The following FAM107B variants were observed in gnomAD, a reference collection of about 807,000 sequenced individuals.
FAM107B encodes the protein protein FAM107B.
A neutral mutation model predicts 31.5 loss-of-function variants in FAM107B; 21 were observed. The observed-to-expected ratio is 0.67, with a 90% CI of 0.47 to 0.96. FAM107B has a LOEUF of 0.96. FAM107B is among the 40% of genes least tolerant of loss of function. The probability of loss-of-function intolerance (pLI) is 0.00; values close to 1 mark genes in which losing one functional copy is unlikely to be tolerated. For synonymous variants in FAM107B, 157 were observed against 141.5 expected, an observed-to-expected ratio of 1.11 and a Z score of -0.78; for missense variants, 452 against 377.1, an observed-to-expected ratio of 1.20 and a Z score of -1.64.
At chr10:14,772,926 C>T (rs1432092296) in intron 1 of FAM107B, among the ~76,000 whole-genome samples, 1 of 152,198 alleles carries the variant, frequency 6.6e-6, no homozygotes, top group Non-Finnish European at 1.5e-5. Context: ...CATTGCTCAA[C>T]AGAAAGTCTT....
chr10:14,703,827 G>A (rs1324233152), intron 1 of FAM107B, among the ~76,000 whole-genome samples: 5 of 152,090 alleles, frequency 3.3e-5, no homozygotes, highest in African/African-American at 4.8e-5. Context: ...TTTTTTTAAG[G>A]TTGCCATTTA....
At chr10:14,601,046 C>A (rs967846507) in intron 2 of FAM107B, among the ~76,000 whole-genome samples, 2 of 152,208 alleles carry the variant, frequency 1.3e-5, no homozygotes, top group African/African-American at 4.8e-5. Context: ...GGATTACAGG[C>A]ACAAGCCACT....
chr10:14,678,494 G>A (rs888469860), intron 1 of FAM107B, among the ~76,000 whole-genome samples: 1 of 152,166 alleles, frequency 6.6e-6, no homozygotes, highest in African/African-American at 2.4e-5. Flanking sequence ...GGGGGACACT[G>A]CAGTGAACAA....
chr10:14,741,597 T>C (rs943976747), intron 1 of FAM107B, among the ~76,000 whole-genome samples: 2 of 152,118 alleles, frequency 1.3e-5, no homozygotes. Context: ...TTAAATACCT[T>C]TCTTGAAAAC....
intron 1 of FAM107B, among the ~76,000 whole-genome samples, chr10:14,736,030 TGGGAAAA>T (rs966454885): frequency 6.6e-5 from 10 of 151,982 alleles, no homozygotes; most frequent in Non-Finnish European, 8.8e-5. Flanking sequence ...GTATGGTGCC[TGGGAAAA>T]GGGAAAAGGG....
Position 14,572,213 on chromosome 10 carries a change from G to T in FAM107B, c.470-41698C>A, listed in dbSNP as rs1851281827. ...ATGAAAAACAAACCGTACCAACTCT[G>T]GTACCAGTTACTGACCTTCCAGACC... On this transcript the variant is annotated intron_variant, in intron 2 of 4. Transcript: ENST00000181796. 6 of 985,286 alleles carry T rather than the reference G, an allele frequency of 6.1e-6. No homozygotes were observed. In the South Asian group the frequency reaches 2.8e-4, roughly 46 times the overall value. 61.0% of individuals were successfully genotyped at this position (985,286 alleles called of 1,614,324 possible). A position where few individuals can be genotyped will look rare whatever the true frequency, so the allele number is the denominator to read the frequency against.
intron 2 of FAM107B, among the ~76,000 whole-genome samples, chr10:14,583,184 A>T (rs537923676): frequency 6.6e-6 from 1 of 152,182 alleles, no homozygotes; most frequent in Non-Finnish European, 1.5e-5. Flanking sequence ...AGAGCCTGAT[A>T]AATCATACTA....
At chr10:14,763,789 GGAAAAC>G (rs1222992644) in intron 1 of FAM107B, among the ~76,000 whole-genome samples, 1 of 152,194 alleles carries the variant, frequency 6.6e-6, no homozygotes, top group Non-Finnish European at 1.5e-5. Flanking sequence ...TGGTCAAAAA[GGAAAAC>G]GATTTCCAGA....
chr10:14,624,793 T>C (rs1383593127), intron 2 of FAM107B, among the ~76,000 whole-genome samples: 1 of 152,128 alleles, frequency 6.6e-6, no homozygotes, highest in Admixed American at 6.6e-5. Context: ...GGTGGAGCTG[T>C]TAAATCAATA....
At chr10:14,751,380 G>C (rs1453203760) in intron 1 of FAM107B, among the ~76,000 whole-genome samples, 1 of 152,214 alleles carries the variant, frequency 6.6e-6, no homozygotes, top group Non-Finnish European at 1.5e-5. Context: ...TTGCTTTTGT[G>C]AGCAGAACAG....
chr10:14,627,288 C>T (rs1422454114), intron 2 of FAM107B, among the ~76,000 whole-genome samples: 1 of 152,230 alleles, frequency 6.6e-6, no homozygotes, highest in African/African-American at 2.4e-5. Context: ...TCCTAATTTT[C>T]TCCATCCCAA....
intron 1 of FAM107B, among the ~76,000 whole-genome samples, chr10:14,730,924 G>A (rs560798330): frequency 2.6e-5 from 4 of 152,070 alleles, no homozygotes; most frequent in Admixed American, 1.3e-4. Context: ...GGGGGCAGAG[G>A]TGACTTTAGG....
intron 2 of FAM107B, among the ~76,000 whole-genome samples, chr10:14,545,373 C>T (rs1848599775): frequency 6.6e-6 from 1 of 151,646 alleles, no homozygotes; most frequent in African/African-American, 2.4e-5. Flanking sequence ...AGCTATTGAT[C>T]TGGGGGCTGG....
chr10:14,637,224 T>G (rs142716044), intron 2 of FAM107B, among the ~76,000 whole-genome samples: 1 of 152,254 alleles, frequency 6.6e-6, no homozygotes, highest in African/African-American at 2.4e-5. Flanking sequence ...CCCAGGCCTT[T>G]CCCTGTGGCA....
chr10:14,713,208 G>A (rs1022778320), intron 1 of FAM107B, among the ~76,000 whole-genome samples: 2 of 152,144 alleles, frequency 1.3e-5, no homozygotes, highest in African/African-American at 4.8e-5. Flanking sequence ...TGCATCAAAA[G>A]CCTCCATACT....
At chr10:14,759,845 G>C (rs1180224718) in intron 1 of FAM107B, among the ~76,000 whole-genome samples, 1 of 151,936 alleles carries the variant, frequency 6.6e-6, no homozygotes, top group East Asian at 1.9e-4. Context: ...CCGAGTGTCT[G>C]CGACTACAGG....
intron 1 of FAM107B, among the ~76,000 whole-genome samples, chr10:14,700,437 A>T (rs1164103182): frequency 1.3e-5 from 2 of 152,210 alleles, no homozygotes; most frequent in East Asian, 1.9e-4. Flanking sequence ...ACAGCCGTAT[A>T]TGGAAGCAAA....
chr10:14,609,023 T>C (rs1426072452), intron 2 of FAM107B, among the ~76,000 whole-genome samples: 1 of 152,184 alleles, frequency 6.6e-6, no homozygotes, highest in African/African-American at 2.4e-5. Flanking sequence ...ACAGATACAA[T>C]ACATTGGTAT....
chr10:14,603,412 T>C (rs1158589023), intron 2 of FAM107B, among the ~76,000 whole-genome samples: 1 of 152,182 alleles, frequency 6.6e-6, no homozygotes, highest in Non-Finnish European at 1.5e-5. Context: ...ATCAAGTAAC[T>C]TTGCTCCGCT....
Sources: allele counts gnomAD v4.1 joint callset (sites outside exome capture counted in the v4.1 genomes callset), GRCh38; gene constraint gnomAD v4.1.1; transcripts MANE v1.5; gene names NCBI Gene and HGNC (gene_info 2026-07-23, HGNC 2026-07-21).